The following ERC2 variants were observed in gnomAD, a reference collection of about 807,000 sequenced individuals.
ERC2 encodes ELKS/RAB6-interacting/CAST family member 2, also known as ERC protein 2.
A neutral mutation model predicts 114.8 loss-of-function variants in ERC2; 42 were observed. The observed-to-expected ratio is 0.37, with a 90% CI of 0.29 to 0.47. The LOEUF (loss-of-function observed/expected upper bound fraction) is 0.47. ERC2 is among the 20% of genes least tolerant of loss of function. The probability of loss-of-function intolerance (pLI) is 0.99; values close to 1 mark genes in which losing one functional copy is unlikely to be tolerated. For synonymous variants in ERC2, 454 were observed against 425.5 expected (o/e 1.07, Z -0.82); for missense variants, 939 against 1,150.7 (o/e 0.82, Z 2.66).
At chr3:56,464,964 A>G (rs542094642) in intron 1 of ERC2, among the ~76,000 whole-genome samples, 80 of 152,224 alleles carry the variant, frequency 5.3e-4, no homozygotes, top group Non-Finnish European at 1.0e-3. Flanking sequence ...ACCAAAGTCA[A>G]AGACTCTTTA....
chr3:55,897,900 T>G (rs1024528758), intron 13 of ERC2, among the ~76,000 whole-genome samples: 2 of 152,192 alleles, frequency 1.3e-5, no homozygotes, highest in African/African-American at 4.8e-5. Context: ...TGATTTGTTT[T>G]CTCCTCATTG....
intron 17 of ERC2, among the ~76,000 whole-genome samples, chr3:55,665,014 G>C (rs1418725531): frequency 6.6e-6 from 1 of 152,140 alleles, no homozygotes; most frequent in Non-Finnish European, 1.5e-5. Flanking sequence ...ACAGAGCCTT[G>C]AAAGCTTCAA....
At chr3:55,847,844 G>A (rs368771630) in intron 14 of ERC2, among the ~76,000 whole-genome samples, 35 of 152,240 alleles carry the variant, frequency 2.3e-4, no homozygotes, top group African/African-American at 8.4e-4. Context: ...TGTAGCACAG[G>A]CTGGAGTGCG....
At chr3:55,722,541 C>T (rs370060889) in intron 15 of ERC2, among the ~76,000 whole-genome samples, 1 of 152,148 alleles carries the variant, frequency 6.6e-6, no homozygotes, top group Non-Finnish European at 1.5e-5. Context: ...TATTTATTAT[C>T]GTGCAACATG....
intron 17 of ERC2, among the ~76,000 whole-genome samples, chr3:55,587,827 A>G (rs376717985): frequency 6.6e-6 from 1 of 152,182 alleles, no homozygotes. Flanking sequence ...CCTAGTAATG[A>G]CCTTTTAAAC....
intron 3 of ERC2, among the ~76,000 whole-genome samples, chr3:56,221,089 TAAAC>T (rs1428583585): frequency 6.6e-6 from 1 of 152,068 alleles, no homozygotes. Flanking sequence ...GTCACACACA[TAAAC>T]AAACATCTGT....
chr3:55,701,992 GC>G (rs2063245262), intron 15 of ERC2, among the ~76,000 whole-genome samples: 1 of 152,174 alleles, frequency 6.6e-6, no homozygotes, highest in Non-Finnish European at 1.5e-5. Context: ...TAATAATTCT[GC>G]TATTGTAAAC....
chr3:56,450,712 T>C (rs2062789695), intron 1 of ERC2, among the ~76,000 whole-genome samples: 1 of 152,110 alleles, frequency 6.6e-6, no homozygotes, highest in African/African-American at 2.4e-5. Flanking sequence ...GCAGTTGTAG[T>C]CCTAGCTACT....
rs1480306024 is a variant in ERC2 at position 55,583,514 on chromosome 3, TCCC to T, written c.*40-72241_*40-72239del. On this transcript the variant is annotated intron_variant, in intron 17 of 17. Coordinates refer to ENST00000288221, the MANE Select transcript of ERC2 (RefSeq NM_015576.3). ...CTCTCTCCTTCCCTCCCTCCCTCCCTCCCTCCCTCCCTTCCTTCCTTCCTTCCT... is the reference window on the plus strand; with the variant it reads ...CTCTCTCCTTCCCTCCCTCCCTCCCTTCCCTCCCTTCCTTCCTTCCTTCCT... Among the ~76,000 whole-genome samples the T allele has an allele frequency of 6.4e-3, 312 of 48,640 alleles. 22 individuals carry two copies. The highest frequency in any genetic ancestry group is 0.027 in the Admixed American group (120 of 4,522). The allele number at this position is 48,640 out of a possible 152,430, so 31.9% of individuals were successfully genotyped here.
intron 14 of ERC2, among the ~76,000 whole-genome samples, chr3:55,803,757 A>G (rs2059391352): frequency 6.6e-6 from 1 of 152,192 alleles, no homozygotes; most frequent in Non-Finnish European, 1.5e-5. Context: ...TCATTTTGAG[A>G]ACAGATGTTA....
intron 7 of ERC2, among the ~76,000 whole-genome samples, chr3:56,065,110 C>A (rs759580611): frequency 4.6e-5 from 7 of 152,142 alleles, no homozygotes; most frequent in Non-Finnish European, 2.9e-5. Context: ...GGTATTTTAT[C>A]TAAAATACTA....
chr3:55,644,168 G>A (rs1355217604), intron 17 of ERC2, among the ~76,000 whole-genome samples: 1 of 152,110 alleles, frequency 6.6e-6, no homozygotes, highest in Non-Finnish European at 1.5e-5. Flanking sequence ...AGTCACTGAA[G>A]TCCCAGTACC....
At chr3:55,922,997 A>T (rs1393442554) in intron 13 of ERC2, among the ~76,000 whole-genome samples, 1 of 152,126 alleles carries the variant, frequency 6.6e-6, no homozygotes, top group African/African-American at 2.4e-5. Flanking sequence ...TTGGGAATGG[A>T]ATTACCATAC....
intron 3 of ERC2, among the ~76,000 whole-genome samples, chr3:56,290,059 G>A (rs2054982818): frequency 6.6e-6 from 1 of 152,132 alleles, no homozygotes; most frequent in Non-Finnish European, 1.5e-5. Context: ...AATTGCCACT[G>A]ATACTCCCAC....
At chr3:56,221,891 C>T (rs1317415879) in intron 3 of ERC2, among the ~76,000 whole-genome samples, 1 of 151,292 alleles carries the variant, frequency 6.6e-6, no homozygotes, top group African/African-American at 2.4e-5. Context: ...AGCAAGACTC[C>T]GTCTCAAAAC....
intron 1 of ERC2, among the ~76,000 whole-genome samples, chr3:56,445,472 A>T (rs2062517471): frequency 6.6e-6 from 1 of 152,090 alleles, no homozygotes; most frequent in South Asian, 2.1e-4. Flanking sequence ...ATACCTCCTA[A>T]AGCTTCTCCT....
intron 14 of ERC2, among the ~76,000 whole-genome samples, chr3:55,788,636 T>A (rs1239686420): frequency 6.6e-6 from 1 of 152,168 alleles, no homozygotes; most frequent in Admixed American, 6.5e-5. Flanking sequence ...AGCTGGTTGG[T>A]CAGCTGACGG....
chr3:55,776,826 C>T (rs1297870065), intron 14 of ERC2, among the ~76,000 whole-genome samples: 2 of 152,182 alleles, frequency 1.3e-5, no homozygotes, highest in Non-Finnish European at 2.9e-5. Context: ...CCCAACATGG[C>T]AAACACACAC....
At chr3:55,697,497 A>G (rs2062993645) in intron 16 of ERC2, among the ~76,000 whole-genome samples, 1 of 152,180 alleles carries the variant, frequency 6.6e-6, no homozygotes, top group African/African-American at 2.4e-5. Flanking sequence ...CAAACATAAG[A>G]GTCAGTCAAG....
Sources: gnomAD v4.1 joint callset for allele counts (sites outside exome capture counted in the v4.1 genomes callset) on GRCh38, gnomAD v4.1.1 for gene constraint, MANE v1.5 for transcripts, NCBI Gene and HGNC (gene_info 2026-07-23, HGNC 2026-07-21) for gene names.